The following METTL16 variants were observed in gnomAD, a reference collection of about 807,000 sequenced individuals.
METTL16 encodes methyltransferase 16, RNA N6-adenosine.
A neutral mutation model predicts 57.9 loss-of-function variants in METTL16; 19 were observed. The observed-to-expected ratio is 0.33, with a 90% CI of 0.23 to 0.48. The LOEUF (loss-of-function observed/expected upper bound fraction) is 0.48, where lower values mean the gene tolerates loss of function less well. Among genes scored for constraint, METTL16 ranks in the 20% least tolerant of loss-of-function variants. METTL16 has a pLI of 0.99. For synonymous variants in METTL16, 246 were observed against 255.6 expected (o/e 0.96, Z 0.36); for missense variants, 434 against 691.5 (o/e 0.63, Z 4.18).
rs151303180 is a variant in METTL16 at position 2,496,085 on chromosome 17, C to G, written c.128+6119G>C. 8.4e-3 allele frequency among the ~76,000 whole-genome samples: 1,274 copies of G among 151,354 alleles called. 18 individuals carry two copies. The highest frequency in any genetic ancestry group is 0.029 in the South Asian group (140 of 4,806). On this transcript the variant is annotated intron_variant, in intron 2 of 9. Coordinates refer to ENST00000263092, the MANE Select transcript of METTL16 (RefSeq NM_024086.4). Reference sequence around the variant, plus strand: ...AGACCACACCACTGCACTCCAGCAGCCAGGGTGACAGAGCGACTCTGTCTC... The same window carrying G: ...AGACCACACCACTGCACTCCAGCAGGCAGGGTGACAGAGCGACTCTGTCTC...
chr17:2,473,735 A>T (rs992880324), intron 3 of METTL16, 71 bp from the exon 4 acceptor site: 7 of 1,478,042 alleles, frequency 4.7e-6, no homozygotes, highest in Middle Eastern at 1.7e-4. Context: ...TGAAAACACC[A>T]TTCTTCTCAG....
chr17:2,497,976 C>T (rs1391473035), intron 2 of METTL16, among the ~76,000 whole-genome samples: 2 of 151,634 alleles, frequency 1.3e-5, no homozygotes, highest in South Asian at 2.1e-4. Flanking sequence ...GGGCAGATCA[C>T]GAGGTCAGGA....
At chr17:2,488,125 T>C (rs539944545) in intron 2 of METTL16, among the ~76,000 whole-genome samples, 2 of 152,240 alleles carry the variant, frequency 1.3e-5, no homozygotes, top group South Asian at 4.1e-4. Context: ...CTCAAAAAGA[T>C]ATCTGCACAC....
intron 6 of METTL16, among the ~76,000 whole-genome samples, chr17:2,463,524 T>C (rs965090873): frequency 2.0e-5 from 3 of 152,084 alleles, no homozygotes; most frequent in Admixed American, 2.0e-4. Flanking sequence ...CGCAGTGGCA[T>C]GATCTCGGCT....
intron 6 of METTL16, 148 bp downstream of exon 6, chr17:2,464,060 T>C (rs1420775416): frequency 3.0e-6 from 2 of 675,538 alleles, no homozygotes; most frequent in Non-Finnish European, 4.6e-6. Flanking sequence ...GAGGCAGAGG[T>C]TGCAGTGAGC....
intron 3 of METTL16, among the ~76,000 whole-genome samples, chr17:2,477,096 C>T (rs2067273723): frequency 6.6e-6 from 1 of 152,100 alleles, no homozygotes; most frequent in South Asian, 2.1e-4. Context: ...AATCCCAGCA[C>T]TTTGGGAAGC....
chr17:2,492,053 T>C (rs1421019850), intron 2 of METTL16, among the ~76,000 whole-genome samples: 1 of 149,992 alleles, frequency 6.7e-6, no homozygotes, highest in Non-Finnish European at 1.5e-5. Context: ...CTACTAAAAA[T>C]ACAAAAAATT....
intron 2 of METTL16, among the ~76,000 whole-genome samples, chr17:2,482,873 T>A (rs905912416): frequency 3.3e-5 from 5 of 152,102 alleles, no homozygotes; most frequent in Non-Finnish European, 1.5e-5. Context: ...ATCCCATCAC[T>A]GCACTCCAGC....
At chr17:2,464,062 G>A (rs2067172389) in intron 6 of METTL16, 146 bp downstream of exon 6, 5 of 691,912 alleles carry the variant, frequency 7.2e-6, no homozygotes, top group Non-Finnish European at 1.1e-5. Context: ...GGCAGAGGTT[G>A]CAGTGAGCTG....
At chr17:2,511,243 C>T (rs924759812) in intron 1 of METTL16, among the ~76,000 whole-genome samples, 1 of 151,664 alleles carries the variant, frequency 6.6e-6, no homozygotes, top group Non-Finnish European at 1.5e-5. Context: ...TTTCTCATCT[C>T]CATGCTTCTG....
rs150420983 is a variant in METTL16, at chr17:2,442,559, G to A, written c.729-1000C>T. On this transcript the variant is annotated intron_variant, in intron 6 of 9. Coordinates refer to ENST00000263092, the MANE Select transcript of METTL16 (RefSeq NM_024086.4). ...AAACAGGAAAACAATGGAGAAGAAT[G>A]ATGAAACCAAGAGCTGGTTCTATGA... 4.4e-4 allele frequency among the ~76,000 whole-genome samples: 67 copies of A among 152,022 alleles called. 1 individual carries two copies. Among genetic ancestry groups the A allele is most frequent in the African/African-American group, 1.4e-3 (60 of 41,502 alleles).
intron 2 of METTL16, among the ~76,000 whole-genome samples, chr17:2,499,793 G>A (rs1421463932): frequency 6.6e-6 from 1 of 151,964 alleles, no homozygotes; most frequent in African/African-American, 2.4e-5. Flanking sequence ...TCATTCTGTT[G>A]CCCAGGCTGA....
intron 2 of METTL16, among the ~76,000 whole-genome samples, chr17:2,498,829 T>C (rs920173599): frequency 7.3e-5 from 11 of 151,568 alleles, no homozygotes; most frequent in African/African-American, 2.4e-4. Flanking sequence ...AATTTCAAAC[T>C]CCTCAGTGGG....
At chr17:2,497,195 G>A (rs937543653) in intron 2 of METTL16, among the ~76,000 whole-genome samples, 3 of 150,918 alleles carry the variant, frequency 2.0e-5, no homozygotes, top group African/African-American at 4.9e-5. Context: ...TAGTAGAGAC[G>A]GGGTTTCACC....
At chr17:2,428,548 A>T in intron 8 of METTL16, among the ~76,000 whole-genome samples, 1 of 63,738 alleles carries the variant, frequency 1.6e-5, no homozygotes, top group East Asian at 5.0e-4. Flanking sequence ...AAAAAAAAAA[A>T]AAAAAAAAAA....
chr17:2,453,626 T>C (rs531673032), intron 6 of METTL16, among the ~76,000 whole-genome samples: 1 of 152,328 alleles, frequency 6.6e-6, no homozygotes, highest in East Asian at 1.9e-4. Flanking sequence ...TAACTGTAAG[T>C]AACCTAAAGG....
At chr17:2,453,152 G>A (rs1003958896) in intron 6 of METTL16, among the ~76,000 whole-genome samples, 9 of 152,216 alleles carry the variant, frequency 5.9e-5, no homozygotes, top group African/African-American at 1.7e-4. Context: ...GAGCCGCTGC[G>A]CCCCCACGGA....
intron 2 of METTL16, among the ~76,000 whole-genome samples, chr17:2,489,750 C>A (rs958959680): frequency 0.013 from 350 of 26,266 alleles, 4 homozygotes; most frequent in Middle Eastern, 0.024. Context: ...AAAAAAAAAA[C>A]GAATACTGCG....
At chr17:2,453,666 G>A (rs1597451605) in intron 6 of METTL16, among the ~76,000 whole-genome samples, 1 of 152,158 alleles carries the variant, frequency 6.6e-6, no homozygotes. Context: ...AAACTAGGTA[G>A]TTATCCTGTT....
Sources: gnomAD v4.1 joint callset for allele counts (sites outside exome capture counted in the v4.1 genomes callset) on GRCh38, gnomAD v4.1.1 for gene constraint, MANE v1.5 for transcripts, NCBI Gene and HGNC (gene_info 2026-07-23, HGNC 2026-07-21) for gene names.